The following RPH3A variants were observed in gnomAD, a reference collection of about 807,000 sequenced individuals.
RPH3A encodes rabphilin-3A.
A neutral mutation model predicts 102.2 loss-of-function variants in RPH3A; 48 were observed. The ratio of observed to expected loss-of-function variants is 0.47; its 90% CI spans 0.37 to 0.60. The LOEUF is 0.60. Ranked by LOEUF, RPH3A falls within the 20% of genes least tolerant of loss-of-function variation. The pLI is 0.00. For synonymous variants in RPH3A, 310 were observed against 324.3 expected, an observed-to-expected ratio of 0.96 and a Z score of 0.47; for missense variants, 781 against 910.1, an observed-to-expected ratio of 0.86 and a Z score of 1.83.
chr12:112,826,073 T>C (rs10774664), intron 2 of RPH3A, among the ~76,000 whole-genome samples: 44,345 of 151,492 alleles, frequency 0.29, 6,694 homozygotes, highest in East Asian at 0.4. Context: ...GCATTAGCTA[T>C]TTATCCTGAA....
At chr12:112,731,156 C>T (rs11066395) in intron 1 of RPH3A, among the ~76,000 whole-genome samples, 6 of 151,696 alleles carry the variant, frequency 4.0e-5, no homozygotes, top group African/African-American at 1.5e-4. Context: ...ACAGGTGGGA[C>T]GTTCTAAGTT....
rs113082436 is a variant in RPH3A, at chr12:112,713,232, T to C, written c.-139-78911T>C. On this transcript the variant is annotated intron_variant, in intron 1 of 21. Transcript: ENST00000543106. ...TAGGCATAAGCCACCATGCCTGACA[T>C]GTATTTGTATATATATAACCTACTG... Among the ~76,000 whole-genome samples, 1,388 of 151,732 alleles carry C rather than the reference T, an allele frequency of 9.1e-3. 30 individuals are homozygous for C. The highest frequency in any genetic ancestry group is 0.032 in the African/African-American group (1,308 of 41,334).
chr12:112,872,931 C>T (rs962659426), intron 10 of RPH3A, among the ~76,000 whole-genome samples: 26 of 152,172 alleles, frequency 1.7e-4, no homozygotes, highest in African/African-American at 6.0e-4. Context: ...TGAGACGCAG[C>T]CCTAATGCAG....
intron 1 of RPH3A, among the ~76,000 whole-genome samples, chr12:112,773,121 C>T (rs780661834): frequency 4.0e-5 from 6 of 151,562 alleles, no homozygotes; most frequent in Admixed American, 6.6e-5. Context: ...TATATATGGT[C>T]TATATATGTA....
chr12:112,678,273 GAAAGAAAGAAAGAAAGAAAGAA>G lies in RPH3A; in HGVS notation c.-140+102956_-140+102977del, dbSNP rs1350680618. Among the ~76,000 whole-genome samples, 23 of 75,484 alleles carry G rather than the reference GAAAGAAAGAAAGAAAGAAAGAA, an allele frequency of 3.0e-4. 2 individuals are homozygous for G. The highest frequency in any genetic ancestry group is 1.4e-3 in the African/African-American group (22 of 15,264). 49.5% of individuals were successfully genotyped at this position (75,484 alleles called of 152,430 possible). A position where few individuals can be genotyped will look rare whatever the true frequency, so the allele number is the denominator to read the frequency against. ...AGAAAGAAAGAAAGAAAGAAAGAAA[GAAAGAAAGAAAGAAAGAAAGAA>G]AGAAAGAAAGAGAGAGAGAGAGAAA... On this transcript the variant is annotated intron_variant, in intron 1 of 21. Coordinates refer to the RPH3A transcript ENST00000543106.
At chr12:112,786,845 A>G (rs1210686888), upstream of RPH3A, among the ~76,000 whole-genome samples, 1 of 152,190 alleles carries the variant, frequency 6.6e-6, no homozygotes, top group African/African-American at 2.4e-5. Flanking sequence ...TGAAGACAAC[A>G]TAGATTAATT....
chr12:112,876,851 G>A lies in RPH3A; in HGVS notation c.1156G>A (p.Asp386Asn), dbSNP rs1164505448. ...EEEEEEANSY[D>N]SDEATTLGAL... ...GGAGGAAGAGGAAGCCAACAGCTAC[G>A]ATTCGGATGAAGCAAGTAGGTGGTG... Residue 386 changes from aspartate to asparagine, a missense_variant, in exon 13 of 22, where the codon GAT becomes AAT. Coordinates refer to ENST00000389385, the MANE Select transcript of RPH3A (RefSeq NM_001143854.2). 5 of 1,601,284 alleles carry A rather than the reference G, an allele frequency of 3.1e-6. No individual in the cohort carries two copies. The highest frequency in any genetic ancestry group is 2.2e-5 in the East Asian group (1 of 44,540).
intron 1 of RPH3A, among the ~76,000 whole-genome samples, chr12:112,758,110 C>G (rs1421691414): frequency 6.6e-6 from 1 of 152,126 alleles, no homozygotes; most frequent in African/African-American, 2.4e-5. Context: ...CTGTAGAATC[C>G]AGTTGCTCCC....
intron 2 of RPH3A, among the ~76,000 whole-genome samples, chr12:112,809,582 A>G (rs1180899151): frequency 6.6e-6 from 1 of 152,162 alleles, no homozygotes; most frequent in Non-Finnish European, 1.5e-5. Flanking sequence ...AGCATTTGCT[A>G]TGGGCCAGCA....
chr12:112,822,648 G>C (rs1565900883), intron 2 of RPH3A, among the ~76,000 whole-genome samples: 1 of 152,194 alleles, frequency 6.6e-6, no homozygotes, highest in Non-Finnish European at 1.5e-5. Flanking sequence ...TTCAGTCTAA[G>C]ATTCAGATTC....
At chr12:112,826,742 C>T (rs1018237219) in intron 2 of RPH3A, among the ~76,000 whole-genome samples, 2 of 152,214 alleles carry the variant, frequency 1.3e-5, no homozygotes, top group African/African-American at 4.8e-5. Flanking sequence ...ATGGGTTCAT[C>T]CATGGTGTTA....
chr12:112,762,241 A>T (rs1242333232), intron 1 of RPH3A, among the ~76,000 whole-genome samples: 1 of 152,228 alleles, frequency 6.6e-6, no homozygotes, highest in Non-Finnish European at 1.5e-5. Context: ...GTCTGGGCAC[A>T]ATACTGAGTG....
At chr12:112,723,214 C>T (rs1356759355) in intron 1 of RPH3A, among the ~76,000 whole-genome samples, 1 of 152,056 alleles carries the variant, frequency 6.6e-6, no homozygotes, top group African/African-American at 2.4e-5. Context: ...TTGGTTCCCC[C>T]AAAACTTAAC....
At chr12:112,669,883 G>A (rs2040114809) in intron 1 of RPH3A, among the ~76,000 whole-genome samples, 1 of 152,070 alleles carries the variant, frequency 6.6e-6, no homozygotes, top group South Asian at 2.1e-4. Flanking sequence ...GACTACAACA[G>A]CAATTGATAC....
At chr12:112,663,099 AGAGAGAGC>A (rs1240005913) in intron 1 of RPH3A, among the ~76,000 whole-genome samples, 18 of 141,838 alleles carry the variant, frequency 1.3e-4, no homozygotes, top group Admixed American at 4.1e-4. Flanking sequence ...AAAGAGAGAG[AGAGAGAGC>A]GAGAGAGAGA....
intron 1 of RPH3A, among the ~76,000 whole-genome samples, chr12:112,636,972 G>C (rs952612069): frequency 6.6e-6 from 1 of 152,148 alleles, no homozygotes; most frequent in Admixed American, 6.5e-5. Flanking sequence ...ATGGGGCTCA[G>C]CCTCCATCAG....
intron 1 of RPH3A, among the ~76,000 whole-genome samples, chr12:112,701,051 T>G (rs1375277382): frequency 6.6e-6 from 1 of 152,114 alleles, no homozygotes; most frequent in Non-Finnish European, 1.5e-5. Context: ...CCAGACCTAC[T>G]CCTCCTTCTC....
rs1402640540 is a variant in RPH3A at position 112,689,898 on chromosome 12, AG to A, written c.-139-102243del. Among the ~76,000 whole-genome samples the A allele has an allele frequency of 2.6e-5, 4 of 152,324 alleles. No individual in the cohort carries two copies. The East Asian group carries it at 5.8e-4, about 22-fold the overall frequency. On this transcript the variant is annotated intron_variant, in intron 1 of 21. Transcript: ENST00000543106. ...TCAAAAATCTGTTTTTTGGGTGACA[AG>A]GTTATGTTCTGTGAATATTACACTA...
upstream of RPH3A, chr12:112,791,033 T>TTTA (rs1223238317): frequency 6.6e-6 from 1 of 152,204 alleles, no homozygotes; most frequent in Non-Finnish European, 1.5e-5. Flanking sequence ...CTTGGAAACA[T>TTTA]TAAATGACTT....
Sources: allele counts gnomAD v4.1 joint callset (sites outside exome capture counted in the v4.1 genomes callset), GRCh38; gene constraint gnomAD v4.1.1; transcripts MANE v1.5; gene names NCBI Gene and HGNC (gene_info 2026-07-23, HGNC 2026-07-21).